ZNF205: variants seen among roughly 807,000 people sequenced by gnomAD.
The protein encoded by ZNF205 is zinc finger protein 205, also known as transcriptional repressor RHIT.
ZNF205 carries 32 observed loss-of-function variants against 53.6 expected under a neutral mutation model. That is an observed-to-expected ratio of 0.60 (90% CI 0.45 to 0.80). The LOEUF is 0.80. Among genes scored for constraint, ZNF205 ranks in the 30% least tolerant of loss-of-function variants. The pLI is 0.00. For synonymous variants in ZNF205, 382 were observed against 334.3 expected (o/e 1.14, Z -1.56); for missense variants, 836 against 782.4 (o/e 1.07, Z -0.82).
At chr16:3,117,948 A>C (rs1218327396) in intron 5 of ZNF205, among the ~76,000 whole-genome samples, 1 of 148,410 alleles carries the variant, frequency 6.7e-6, no homozygotes, top group African/African-American at 2.5e-5. Context: ...TCCTGGGTTC[A>C]AGTGATTCTG....
At chr16:3,117,390 A>AG (rs1183354264) in intron 5 of ZNF205, among the ~76,000 whole-genome samples, 11 of 133,808 alleles carry the variant, frequency 8.2e-5, no homozygotes, top group Admixed American at 3.1e-4. Flanking sequence ...CTTGTCTCCG[A>AG]GGGGTCTTGG....
chr16:3,113,071 C>T, intron 1 of ZNF205: 1 of 266,388 alleles, frequency 3.8e-6, no homozygotes, highest in Admixed American at 5.6e-5. Context: ...CTTTCTGCTC[C>T]TGATGACAGG....
At chr16:3,113,896 AGT>A (rs1000561731) in intron 2 of ZNF205, among the ~76,000 whole-genome samples, 1 of 150,834 alleles carries the variant, frequency 6.6e-6, no homozygotes, top group South Asian at 2.1e-4. Context: ...TGCGTGGTTG[AGT>A]GTGTGTGTGT....
rs12445220 is a variant in ZNF205, at chr16:3,119,424, C to A, written c.764C>A (p.Ala255Asp). The change falls in exon 7 of 7, where the codon GCT becomes GAT. Residue 255 changes from alanine to aspartate, a missense_variant. Ala to Asp is a moderately radical substitution (Grantham distance 126, BLOSUM62 -2). Coordinates refer to ENST00000219091, the MANE Select transcript of ZNF205 (RefSeq NM_001042428.2). ...SGPAKDSGQP[A>D]EPDRTPDAAP... The stretch of plus-strand genomic sequence containing the variant: ...CCGGCCAAAGACTCCGGGCAGCCGG[C>A]TGAGCCAGATCGCACCCCGGATGCA... The A allele has an allele frequency of 6.2e-7, 1 of 1,603,274 alleles. No homozygotes were observed.
At chr16:3,114,416 CT>C (rs1470374965) in intron 2 of ZNF205, among the ~76,000 whole-genome samples, 4 of 152,158 alleles carry the variant, frequency 2.6e-5, no homozygotes, top group Non-Finnish European at 5.9e-5. Flanking sequence ...AGGGGTGTCG[CT>C]GGGTCTGGCA....
At chr16:3,117,280 C>T (rs550706988) in intron 5 of ZNF205, among the ~76,000 whole-genome samples, 12 of 152,224 alleles carry the variant, frequency 7.9e-5, no homozygotes, top group Non-Finnish European at 1.6e-4. Flanking sequence ...AGCTTGGCTT[C>T]GGGGCCCGAG....
chr16:3,115,309 G>A, intron 2 of ZNF205, 46 bp from the exon 3 acceptor site: 1 of 1,441,316 alleles, frequency 6.9e-7, no homozygotes, highest in South Asian at 1.5e-5. Context: ...GTGGCCCTGG[G>A]TGTCTCTCCC....
rs1957409645 is a variant in ZNF205, at chr16:3,120,241, C to A, written c.1581C>A (p.Thr527=). 6.2e-7 allele frequency: 1 copy of A among 1,607,266 alleles called. No homozygotes were observed. Among genetic ancestry groups the A allele is most frequent in the Admixed American group, 1.7e-5 (1 of 59,966 alleles). The stretch of plus-strand genomic sequence containing the variant: ...TGCACCGGCACGAGAAGATCCACAC[C>A]ACCGGGCCCAAGGCCCTGGCCATGC... ...SNLHRHEKIH[T]TGPKALAMLM... The change falls in exon 7 of 7, where the codon ACC becomes ACA. Residue 527 remains threonine, a synonymous_variant. Coordinates refer to ENST00000219091, the MANE Select transcript of ZNF205 (RefSeq NM_001042428.2).
rs752402312 is a variant in ZNF205, at chr16:3,118,941, C to G, written c.521C>G (p.Ala174Gly). 2.5e-6 allele frequency: 4 copies of G among 1,613,526 alleles called. No homozygotes were observed. The highest frequency in any genetic ancestry group is 1.3e-5 in the African/African-American group (1 of 74,936). Residue 174 changes from alanine to glycine, a missense_variant, in exon 6 of 7, where the codon GCG becomes GGG. Transcript: ENST00000219091. ...AGCAGGCCTTTCTGGGCCCCTCAAG[C>G]GCACGGCAAGGGTGAGGCCTCGGGC... is the stretch of plus-strand genomic sequence containing the variant. ...PFSRPFWAPQ[A>G]HGKGEASGSS...
At chr16:3,118,273 A>G (rs1165491304) in intron 5 of ZNF205, among the ~76,000 whole-genome samples, 1 of 151,802 alleles carries the variant, frequency 6.6e-6, no homozygotes, top group African/African-American at 2.4e-5. Context: ...TCACCCCTCA[A>G]TTAGCTCAGG....
intron 2 of ZNF205, chr16:3,114,965 T>C (rs1031536384): frequency 1.1e-4 from 18 of 163,068 alleles, no homozygotes; most frequent in Non-Finnish European, 4.0e-5. Flanking sequence ...ATCTTTAACT[T>C]ACCTGTATAA....
At position 3,119,868 on chromosome 16, in the gene ZNF205, G is replaced by A; in HGVS notation, c.1208G>A (p.Arg403His). 1 of 1,613,352 alleles carries A rather than the reference G, an allele frequency of 6.2e-7. No individual in the cohort carries two copies. The highest frequency in any genetic ancestry group is 8.5e-7 in the Non-Finnish European group (1 of 1,179,858). ...VCDRCAKRFT[R>H]RSDLVTHQGT... is the part of the protein sequence containing the mutation. ...GACCGCTGCGCCAAGCGCTTCACCC[G>A]CCGCTCGGACTTGGTCACCCACCAG... Residue 403 changes from arginine to histidine, a missense_variant, in exon 7 of 7, where the codon CGC becomes CAC. By Grantham distance (29) the Arg-to-His change is conservative. Coordinates refer to ENST00000219091, the MANE Select transcript of ZNF205 (RefSeq NM_001042428.2).
At chr16:3,112,762 A>G (rs1290272342) in intron 1 of ZNF205, 80 bp downstream of exon 1, 1 of 234,340 alleles carries the variant, frequency 4.3e-6, no homozygotes, top group African/African-American at 2.2e-5. Context: ...GATGGGGTCA[A>G]AGGTGGAAGG....
At chr16:3,116,168 G>A (rs1316686858) in intron 4 of ZNF205, 3 of 649,276 alleles carry the variant, frequency 4.6e-6, no homozygotes, top group Non-Finnish European at 5.2e-6. Context: ...GTCCTCCGAG[G>A]TCTCAGCTGA....
chr16:3,118,764 G>T, intron 5 of ZNF205, 141 bp from the exon 6 acceptor site: 1 of 836,508 alleles, frequency 1.2e-6, no homozygotes, highest in Non-Finnish European at 1.8e-6. Flanking sequence ...CGACCCAGGG[G>T]GCCTTCTTGA....
chr16:3,118,423 A>T (rs1957373552), intron 5 of ZNF205, among the ~76,000 whole-genome samples: 1 of 152,162 alleles, frequency 6.6e-6, no homozygotes, highest in African/African-American at 2.4e-5. Flanking sequence ...TTGGTCCAAC[A>T]CATTCCTTTC....
Position 3,113,476 on chromosome 16 carries a change from A to G in ZNF205, c.46A>G (p.Thr16Ala). The G allele has an allele frequency of 6.2e-7, 1 of 1,613,452 alleles. No individual in the cohort carries two copies. Among genetic ancestry groups the G allele is most frequent in the Non-Finnish European group, 8.5e-7 (1 of 1,179,740 alleles). The change falls in exon 2 of 7, where the codon ACA becomes GCA. Residue 16 changes from threonine to alanine, a missense_variant. Coordinates refer to ENST00000219091, the MANE Select transcript of ZNF205 (RefSeq NM_001042428.2). The part of the protein sequence containing the change: ...GGIQDTQDKE[T>A]PPEVPDRGHP... ...CATCCAGGACACCCAGGACAAGGAG[A>G]CACCCCCGGAGGTACAGATGGGGCT...
rs376806635 is a variant in ZNF205, at chr16:3,119,854, C to T, written c.1194C>T (p.Ala398=). The T allele has an allele frequency of 7.7e-5, 124 of 1,613,156 alleles. 1 individual carries two copies. In the East Asian group the frequency reaches 8.0e-4, roughly 10 times the overall value. Residue 398 remains alanine, a synonymous_variant, in exon 7 of 7, where the codon GCC becomes GCT. Coordinates refer to ENST00000219091, the MANE Select transcript of ZNF205 (RefSeq NM_001042428.2). The part of the protein sequence containing the change: ...GEKPYVCDRC[A]KRFTRRSDLV... ...AGCCCTACGTGTGCGACCGCTGCGC[C>T]AAGCGCTTCACCCGCCGCTCGGACT... is the stretch of plus-strand genomic sequence containing the variant.
In ZNF205 at chr16:3,119,571, G is replaced by A; in HGVS notation, c.911G>A (p.Gly304Asp). 2 of 1,608,500 alleles carry A rather than the reference G, an allele frequency of 1.2e-6. No individual in the cohort carries two copies. The highest frequency in any genetic ancestry group is 1.7e-6 in the Non-Finnish European group (2 of 1,177,906). ...EEGLAPDSEV[G>D]RKSYRCEQCG... Reference sequence around the variant, plus strand: ...GGCCTGGCCCCTGACAGTGAGGTGGGCAGGAAGAGCTACCGGTGCGAGCAG... The same window carrying A: ...GGCCTGGCCCCTGACAGTGAGGTGGACAGGAAGAGCTACCGGTGCGAGCAG... Residue 304 changes from glycine (G) to aspartate (D), a missense_variant, in exon 7 of 7, where the codon GGC (glycine) becomes GAC (aspartate). By Grantham distance (94) the Gly-to-Asp change is moderately conservative (BLOSUM62 -1). Coordinates refer to ENST00000219091, the MANE Select transcript of ZNF205 (RefSeq NM_001042428.2).
Sources: allele counts gnomAD v4.1 joint callset (sites outside exome capture counted in the v4.1 genomes callset), GRCh38; gene constraint gnomAD v4.1.1; transcripts MANE v1.5; gene names NCBI Gene and HGNC (gene_info 2026-07-23, HGNC 2026-07-21).